Variants in TRDMT1 observed in about 807,000 individuals in gnomAD.
TRDMT1 encodes the protein tRNA (cytosine(38)-C(5))-methyltransferase.
In TRDMT1, 49 loss-of-function variants were observed where a neutral mutation model predicts 51.2. The observed-to-expected ratio is 0.96, with a 90% CI of 0.76 to 1.21. The LOEUF (loss-of-function observed/expected upper bound fraction) is 1.21, where lower values mean the gene tolerates loss of function less well. Ranked by LOEUF, TRDMT1 falls within the 50% of genes most tolerant of loss-of-function variation. TRDMT1 has a pLI of 0.00. For synonymous variants in TRDMT1, 187 were observed against 164.6 expected, an observed-to-expected ratio of 1.14 and a Z score of -1.04; for missense variants, 534 against 462.3, an observed-to-expected ratio of 1.16 and a Z score of -1.42.
intron 2 of TRDMT1, among the ~76,000 whole-genome samples, chr10:17,170,148 T>C (rs2131491580): frequency 6.6e-6 from 1 of 152,292 alleles, no homozygotes; most frequent in South Asian, 2.1e-4. Flanking sequence ...AGAGTCAATG[T>C]CTCTAATACA....
Position 17,145,109 on chromosome 10 carries a change from T to A in TRDMT1, c.*3931A>T, listed in dbSNP as rs1837986902. 1.7e-6 allele frequency: 1 copy of A among 586,844 alleles called. No individual in the cohort carries two copies. Among genetic ancestry groups the A allele is most frequent in the South Asian group, 7.5e-5 (1 of 13,326 alleles). 36.4% of individuals were successfully genotyped at this position (586,844 alleles called of 1,614,324 possible). On this transcript the variant is annotated 3_prime_UTR_variant, in exon 11 of 11. Transcript: ENST00000377799. ...TACTAATACAAAAATTAGCTAGGTGTGGTGGCATGCGCCTGTAATCCCAGC... is the reference window on the plus strand; with the variant it reads ...TACTAATACAAAAATTAGCTAGGTGAGGTGGCATGCGCCTGTAATCCCAGC...
chr10:17,153,537 C>T lies in TRDMT1; in HGVS notation c.1045G>A (p.Ala349Thr), dbSNP rs769202322. The T allele has an allele frequency of 9.9e-6, 16 of 1,613,868 alleles. No individual in the cohort carries two copies. In the South Asian group the frequency reaches 1.4e-4, roughly 14 times the overall value. The change falls in exon 10 of 11, where the codon GCA becomes ACA. Residue 349 changes from alanine (A) to threonine (T), a missense_variant. Transcript: ENST00000377799. ...TCTGGAGGAAATCCAAGGAGATTTG[C>T]TATTTCTTTAGGAGTGAAATATCGC... ...KLRYFTPKEI[A>T]NLLGFPPEFG...
chr10:17,195,136 A>C (rs1361169847), intron 1 of TRDMT1, among the ~76,000 whole-genome samples: 2 of 152,206 alleles, frequency 1.3e-5, no homozygotes, highest in African/African-American at 4.8e-5. Context: ...AAAAGAAAGC[A>C]AAATCATTCT....
chr10:17,179,311 T>C (rs982750643), intron 1 of TRDMT1, among the ~76,000 whole-genome samples: 15 of 152,044 alleles, frequency 9.9e-5, no homozygotes, highest in Non-Finnish European at 1.8e-4. Flanking sequence ...AAAAGCAATT[T>C]AGCTATTCAC....
chr10:17,176,151 TTCAAG>T (rs1291580140), intron 1 of TRDMT1, among the ~76,000 whole-genome samples: 2 of 152,346 alleles, frequency 1.3e-5, no homozygotes, highest in East Asian at 3.9e-4. Context: ...ACTATCATAA[TTCAAG>T]TCAAGAATTA....
At chr10:17,182,278 G>A (rs1843371859) in intron 1 of TRDMT1, among the ~76,000 whole-genome samples, 1 of 152,176 alleles carries the variant, frequency 6.6e-6, no homozygotes, top group African/African-American at 2.4e-5. Context: ...CTGGTTTCTG[G>A]TGACATGATT....
At chr10:17,153,749 G>T in intron 9 of TRDMT1, 113 bp from the exon 10 acceptor site, 2 of 1,119,814 alleles carry the variant, frequency 1.8e-6, no homozygotes, top group Non-Finnish European at 2.5e-6. Flanking sequence ...AACACACAGT[G>T]GCAAAGTGCA....
At chr10:17,201,254 C>G (rs1332926780) in intron 1 of TRDMT1, 9 of 303,830 alleles carry the variant, frequency 3.0e-5, no homozygotes, top group Non-Finnish European at 4.9e-5. Context: ...GGCTTGGCAC[C>G]AGGCGAGGGT....
At chr10:17,189,579 A>G (rs1457418371) in intron 1 of TRDMT1, among the ~76,000 whole-genome samples, 2 of 152,172 alleles carry the variant, frequency 1.3e-5, no homozygotes, top group African/African-American at 4.8e-5. Flanking sequence ...ATCTCAGCAA[A>G]CAATAACACA....
In TRDMT1 at chr10:17,174,727, T is replaced by C. The variant is rs929056969; in HGVS notation, c.65-67A>G. 9.7e-6 allele frequency: 11 copies of C among 1,135,814 alleles called. No individual in the cohort carries two copies. The African/African-American group carries it at 1.6e-4, about 16-fold the overall frequency. 70.4% of individuals were successfully genotyped at this position (1,135,814 alleles called of 1,614,324 possible). On this transcript the variant is annotated intron_variant, in intron 1 of 10. Transcript: ENST00000377799. The stretch of plus-strand genomic sequence containing the variant: ...AGTTCATTATAGAAAGAAATCAAAA[T>C]AGCAGAATTTAGTAATCCATTTCCT...
chr10:17,143,181 T>C lies in TRDMT1; in HGVS notation c.*5859A>G, dbSNP rs942001078. 1.0e-6 allele frequency: 1 copy of C among 985,298 alleles called. No homozygotes were observed. The highest frequency in any genetic ancestry group is 1.2e-6 in the Non-Finnish European group (1 of 829,934). The allele number at this position is 985,298 out of a possible 1,614,324, so 61.0% of individuals were successfully genotyped here. Reference sequence around the variant, plus strand: ...ACATTGTTTGAACTCCACAGTGTGGTGCTTTCTATGTAGCTTCAATATTGA... The same window carrying C: ...ACATTGTTTGAACTCCACAGTGTGGCGCTTTCTATGTAGCTTCAATATTGA... On this transcript the variant is annotated 3_prime_UTR_variant, in exon 11 of 11. Coordinates refer to ENST00000377799, the MANE Select transcript of TRDMT1 (RefSeq NM_004412.7).
intron 1 of TRDMT1, among the ~76,000 whole-genome samples, chr10:17,199,457 A>G (rs1344903329): frequency 6.6e-6 from 1 of 152,246 alleles, no homozygotes; most frequent in Non-Finnish European, 1.5e-5. Flanking sequence ...AAGAACTTCG[A>G]GGGTTTGAGG....
chr10:17,200,252 A>G (rs966102245), intron 1 of TRDMT1, among the ~76,000 whole-genome samples: 1 of 152,262 alleles, frequency 6.6e-6, no homozygotes, highest in Non-Finnish European at 1.5e-5. Flanking sequence ...TGGCTGAATT[A>G]CAGCTTATGA....
intron 1 of TRDMT1, among the ~76,000 whole-genome samples, chr10:17,181,945 A>G (rs1297721319): frequency 6.6e-6 from 1 of 152,128 alleles, no homozygotes; most frequent in Non-Finnish European, 1.5e-5. Flanking sequence ...GCTCTGTTGA[A>G]GTGGTTCAGA....
chr10:17,149,813 T>G (rs1311560522), intron 10 of TRDMT1, among the ~76,000 whole-genome samples: 2 of 152,194 alleles, frequency 1.3e-5, no homozygotes, highest in Non-Finnish European at 2.9e-5. Context: ...TATTAATACT[T>G]CATTCCTTGT....
chr10:17,165,209 A>C (rs1452407737), intron 3 of TRDMT1, among the ~76,000 whole-genome samples: 1 of 152,158 alleles, frequency 6.6e-6, no homozygotes, highest in Non-Finnish European at 1.5e-5. Flanking sequence ...CCTCAGAAAT[A>C]ATGCCACTTA....
intron 1 of TRDMT1, among the ~76,000 whole-genome samples, chr10:17,177,149 G>A (rs1244181178): frequency 1.4e-5 from 2 of 138,368 alleles, no homozygotes; most frequent in East Asian, 2.1e-4. Context: ...AAAAAAAAAG[G>A]TGAGATATCC....
At position 17,141,158 on chromosome 10, in the gene TRDMT1, T is replaced by A. The variant is rs965840749; in HGVS notation, c.*7882A>T. ...CAACGTGTCATTTTTCTCCAGCTGC[T>A]TTTATTTATTTATTTATTTTTTTGA... On this transcript the variant is annotated 3_prime_UTR_variant, in exon 11 of 11. Coordinates refer to ENST00000377799, the MANE Select transcript of TRDMT1 (RefSeq NM_004412.7). 1.8e-4 allele frequency among the ~76,000 whole-genome samples: 27 copies of A among 152,138 alleles called. No homozygotes were observed. The highest frequency in any genetic ancestry group is 3.1e-4 in the Non-Finnish European group (21 of 68,018).
intron 3 of TRDMT1, 145 bp downstream of exon 3, chr10:17,168,696 C>T (rs554694849): frequency 1.2e-4 from 68 of 587,762 alleles, no homozygotes; most frequent in African/African-American, 2.3e-4. Context: ...CCTTGCCTTC[C>T]GCCATGATTG....
Sources: allele counts gnomAD v4.1 joint callset (sites outside exome capture counted in the v4.1 genomes callset), GRCh38; gene constraint gnomAD v4.1.1; transcripts MANE v1.5; gene names NCBI Gene and HGNC (gene_info 2026-07-23, HGNC 2026-07-21).